Variants in LZTS2 observed in about 807,000 individuals in gnomAD.
LZTS2 encodes leucine zipper putative tumor suppressor 2.
In LZTS2, 32 loss-of-function variants were observed where a neutral mutation model predicts 60.6. The ratio of observed to expected loss-of-function variants is 0.53; its 90% confidence interval spans 0.40 to 0.71. The LOEUF is 0.71. Among genes scored for constraint, LZTS2 ranks in the 30% least tolerant of loss-of-function variants. The pLI, the probability that LZTS2 is intolerant of heterozygous loss-of-function variation, is 0.00. For synonymous variants in LZTS2, 360 were observed against 393.1 expected (o/e 0.92, Z 1.00); for missense variants, 792 against 901.9 (o/e 0.88, Z 1.56).
chr10:101,006,610 G>C (rs370123164), exon 4 of LZTS2: 8 of 1,603,448 alleles, frequency 5.0e-6, no homozygotes, highest in South Asian at 4.4e-5. Flanking sequence ...CCCGTGCTAC[G>C]CTGCGGGTCA....
chr10:101,003,068 A>C (rs1852081719), intron 1 of LZTS2, 122 bp downstream of exon 2: 11 of 1,226,778 alleles, frequency 9.0e-6, no homozygotes, highest in Non-Finnish European at 1.2e-5. Context: ...CCTGGGTCCT[A>C]ATCCCAGCTC....
chr10:100,999,277 TCGCCTCCGCGAAGCCCAGGTTGC>T (rs1851976010), upstream of LZTS2, among the ~76,000 whole-genome samples: 1 of 152,130 alleles, frequency 6.6e-6, no homozygotes, highest in Admixed American at 6.5e-5. Flanking sequence ...CCAGGTGGCG[TCGCCTCCGCGAAGCCCAGGTTGC>T]CGCCTCCAAC....
upstream of LZTS2, chr10:100,998,434 G>A (rs1851958342): frequency 6.5e-6 from 1 of 152,702 alleles, no homozygotes; most frequent in Non-Finnish European, 1.5e-5. Context: ...GCTGGGCTGT[G>A]TTTCCCTTTC....
rs974388306 is a variant in LZTS2, at chr10:101,007,462, T to G, written c.*294T>G. The G allele has an allele frequency of 1.2e-5, 17 of 1,452,938 alleles. 1 individual carries two copies. In the Admixed American group the frequency reaches 3.5e-4, roughly 30 times the overall value. The allele number at this position is 1,452,938 out of a possible 1,614,324, so 90.0% of individuals were successfully genotyped here. Reference sequence around the variant, plus strand: ...CACTGCCAACCCTGTTCACAGGCGCTTCCAGCCCACTCCAGCCAGGGGAGC... The same window carrying G: ...CACTGCCAACCCTGTTCACAGGCGCGTCCAGCCCACTCCAGCCAGGGGAGC... On this transcript the variant is annotated 3_prime_UTR_variant, in exon 4 of 4. Transcript: ENST00000370220.
exon 4 of LZTS2, chr10:101,007,524 C>A: frequency 7.5e-6 from 10 of 1,338,400 alleles, no homozygotes; most frequent in Non-Finnish European, 9.8e-6. Flanking sequence ...TTCACATTCC[C>A]CCCGACCCCA....
exon 4 of LZTS2, chr10:101,007,595 A>G (rs1258396730): frequency 1.6e-6 from 2 of 1,285,702 alleles, no homozygotes; most frequent in Non-Finnish European, 2.0e-6. Flanking sequence ...ATTGGGGGAC[A>G]GGGCCGGGCC....
At chr10:101,007,311 C>T (rs893116150) in exon 4 of LZTS2, 15 of 1,419,872 alleles carry the variant, frequency 1.1e-5, no homozygotes, top group Non-Finnish European at 1.2e-5. Flanking sequence ...CTCTGGGCTT[C>T]TGCCAAGAAC....
At chr10:101,003,042 C>A in intron 1 of LZTS2, 96 bp downstream of exon 2, 3 of 1,409,310 alleles carry the variant, frequency 2.1e-6, no homozygotes, top group Non-Finnish European at 2.8e-6. Flanking sequence ...AGAGTGTGGG[C>A]TCCAGATTCA....
exon 1 of LZTS2, chr10:101,002,574 G>A (rs1852062786): frequency 6.5e-7 from 1 of 1,539,728 alleles, no homozygotes. Flanking sequence ...TGCCACTGGA[G>A]CCTGCTCCTG....
exon 1 of LZTS2, chr10:101,001,631 G>T (rs981456547): frequency 1.3e-5 from 2 of 152,410 alleles, no homozygotes; most frequent in African/African-American, 4.8e-5. Context: ...AGCAGAGCCT[G>T]GGGAGGTGGA....
chr10:101,004,336 G>T (rs1852123491), intron 2 of LZTS2, among the ~76,000 whole-genome samples, 170 bp downstream of exon 3: 1 of 152,214 alleles, frequency 6.6e-6, no homozygotes, highest in South Asian at 2.1e-4. Flanking sequence ...GCCAGGTGTG[G>T]TGGCTCACAT....
In LZTS2 at chr10:101,003,798, G is replaced by A. The variant is rs761447747; in HGVS notation, c.700G>A (p.Gly234Arg). 1.0e-4 allele frequency: 167 copies of A among 1,613,128 alleles called. No individual in the cohort carries two copies. Among genetic ancestry groups the A allele is most frequent in the Non-Finnish European group, 1.3e-4 (158 of 1,180,022 alleles). Residue 234 changes from glycine (G) to arginine (R), a missense_variant, in exon 2 of 4, where the codon GGA (glycine) becomes AGA (arginine). Coordinates refer to ENST00000370220, the Ensembl canonical transcript of LZTS2. Reference sequence around the variant, plus strand: ...GTCCAGCCTGCCCACCTACAGCACCGGAGGTGCCGAGCCAACCACCAGCTC... The same window carrying A: ...GTCCAGCCTGCCCACCTACAGCACCAGAGGTGCCGAGCCAACCACCAGCTC...
exon 1 of LZTS2, chr10:101,002,621 G>A: frequency 6.3e-7 from 1 of 1,596,798 alleles, no homozygotes; most frequent in Non-Finnish European, 8.5e-7. Flanking sequence ...GTCATGGGTA[G>A]TGTGAGCAGC....
At chr10:101,002,387 T>C in exon 1 of LZTS2, 1 of 628,726 alleles carries the variant, frequency 1.6e-6, no homozygotes, top group South Asian at 3.4e-5. Flanking sequence ...GGGGGAGTCT[T>C]GGTGGGGATC....
Position 101,003,768 on chromosome 10 carries a change from TCA to T in LZTS2, c.672_673del (p.Leu225ValfsTer78). 6.2e-7 allele frequency: 1 copy of T among 1,613,076 alleles called. No individual in the cohort carries two copies. The highest frequency in any genetic ancestry group is 1.1e-5 in the South Asian group (1 of 91,088). The stretch of plus-strand genomic sequence containing the variant: ...GACGCTATCCGACTCTGGCCGAAAC[TCA>T]CTGTCCAGCCTGCCCACCTACAGCA... On this transcript the variant is annotated frameshift_variant, in exon 2 of 4. Coordinates refer to ENST00000370220, the Ensembl canonical transcript of LZTS2. LOFTEE classifies it high-confidence loss of function.
At chr10:101,005,494 C>T (rs773440026) in exon 3 of LZTS2, 9 of 1,581,328 alleles carry the variant, frequency 5.7e-6, no homozygotes, top group Admixed American at 3.4e-5. Flanking sequence ...GCAGCGAGAG[C>T]GTGAGGCCCT....
At chr10:101,007,640 C>G in exon 4 of LZTS2, 5 of 1,221,480 alleles carry the variant, frequency 4.1e-6, no homozygotes, top group Non-Finnish European at 5.2e-6. Flanking sequence ...TCTGCAGCCT[C>G]TCTCCTGGAG....
intron 2 of LZTS2, among the ~76,000 whole-genome samples, chr10:101,004,550 C>T (rs1429634532): frequency 6.6e-6 from 1 of 152,228 alleles, no homozygotes; most frequent in Admixed American, 6.5e-5. Context: ...TTACAATGGA[C>T]TGACATTCCA....
rs772183641 is a variant in LZTS2, at chr10:101,005,489, G to A, written c.1100G>A (p.Arg367Gln). Reference sequence around the variant, plus strand: ...GAGGAGCGGCAGCGGCACTGGCAGCGAGAGCGTGAGGCCCTGCGAGAGGAC... The same window carrying A: ...GAGGAGCGGCAGCGGCACTGGCAGCAAGAGCGTGAGGCCCTGCGAGAGGAC... Residue 367 changes from arginine (R) to glutamine (Q), a missense_variant, in exon 3 of 4, where the codon CGA becomes CAA. Coordinates refer to ENST00000370220, the Ensembl canonical transcript of LZTS2. 16 of 1,575,396 alleles carry A rather than the reference G, an allele frequency of 1.0e-5. No individual in the cohort carries two copies. The highest frequency in any genetic ancestry group is 2.2e-5 in the South Asian group (2 of 90,268).
Sources: allele counts gnomAD v4.1 joint callset (sites outside exome capture counted in the v4.1 genomes callset), GRCh38; gene constraint gnomAD v4.1.1; transcripts MANE v1.5; gene names NCBI Gene and HGNC (gene_info 2026-07-23, HGNC 2026-07-21).